ESR1: variants seen among roughly 807,000 people sequenced by gnomAD.
ESR1 encodes estrogen receptor 1.
Under a neutral mutation model 52.7 loss-of-function variants are expected in ESR1, and 12 were observed. The observed-to-expected ratio is 0.23, with a 90% CI of 0.15 to 0.37. The LOEUF (loss-of-function observed/expected upper bound fraction) is 0.37, where lower values mean the gene tolerates loss of function less well. Among genes scored for constraint, ESR1 ranks in the 10% least tolerant of loss-of-function variants. The pLI is 1.00. For missense variants in ESR1, 584 were observed against 779.7 expected, an observed-to-expected ratio of 0.75 and a Z score of 2.99; for synonymous variants, 305 against 316.8, an observed-to-expected ratio of 0.96 and a Z score of 0.39.
chr6:151,845,679 A>G (rs1165341209), intron 2 of ESR1, among the ~76,000 whole-genome samples: 2 of 152,198 alleles, frequency 1.3e-5, no homozygotes, highest in Admixed American at 6.5e-5. Context: ...TAAAAATGCA[A>G]TTCCACTTGG....
chr6:151,679,772 G>T (rs1188912567), intron 1 of ESR1, among the ~76,000 whole-genome samples: 1 of 152,170 alleles, frequency 6.6e-6, no homozygotes, highest in East Asian at 1.9e-4. Flanking sequence ...TTTTGTGACT[G>T]CAGCTGTGCC....
Position 151,807,812 on chromosome 6 carries a change from C to T in ESR1, c.-101C>T. ...TGTCGGCGGGACATGCGCTGCGTCG[C>T]CTCTAACCTCGGGCTGTGCTCTTTT... On this transcript the variant is annotated 5_prime_UTR_variant, in exon 1 of 8. Transcript: ENST00000206249. 1 of 1,074,776 alleles carries T rather than the reference C, an allele frequency of 9.3e-7. No homozygotes were observed. Among genetic ancestry groups the T allele is most frequent in the Non-Finnish European group, 1.4e-6 (1 of 720,956 alleles). The allele number at this position is 1,074,776 out of a possible 1,614,324, so 66.6% of individuals were successfully genotyped here.
At chr6:152,112,478 A>C (rs977361833) in intron 6 of ESR1, among the ~76,000 whole-genome samples, 3 of 152,200 alleles carry the variant, frequency 2.0e-5, no homozygotes, top group Admixed American at 6.5e-5. Flanking sequence ...TCTGGAGTAC[A>C]CAAAGGCCAC....
At chr6:151,936,433 A>G (rs1465404378) in intron 3 of ESR1, among the ~76,000 whole-genome samples, 1 of 152,154 alleles carries the variant, frequency 6.6e-6, no homozygotes, top group Non-Finnish European at 1.5e-5. Context: ...TGCTTGTTAC[A>G]CTTTATGGGA....
At chr6:152,041,965 A>C (rs913376018) in intron 5 of ESR1, among the ~76,000 whole-genome samples, 1 of 152,222 alleles carries the variant, frequency 6.6e-6, no homozygotes, top group African/African-American at 2.4e-5. Flanking sequence ...CCGCTTAGTT[A>C]AGCTTACAAT....
chr6:152,125,310 C>T (rs1187690880), exon 7 of ESR1: 6 of 1,550,374 alleles, frequency 3.9e-6, no homozygotes, highest in Non-Finnish European at 5.2e-6. Flanking sequence ...GAACTTGCAT[C>T]CTAAAATATT....
chr6:151,962,184 T>C (rs1008874415), intron 4 of ESR1, among the ~76,000 whole-genome samples: 1 of 152,180 alleles, frequency 6.6e-6, no homozygotes, highest in South Asian at 2.1e-4. Flanking sequence ...GTCTCTGAGA[T>C]TGGGTTCTGC....
intron 6 of ESR1, among the ~76,000 whole-genome samples, chr6:152,065,696 T>G (rs2047911266): frequency 6.6e-6 from 1 of 152,156 alleles, no homozygotes; most frequent in Admixed American, 6.5e-5. Context: ...GTCCTCTTTT[T>G]CTCTCCTGAC....
upstream of ESR1, among the ~76,000 whole-genome samples, chr6:151,688,269 C>T (rs1410578529): frequency 2.6e-5 from 4 of 152,128 alleles, no homozygotes; most frequent in Non-Finnish European, 4.4e-5. Flanking sequence ...CAACAGTTTC[C>T]TCTCATGACA....
intron 3 of ESR1, among the ~76,000 whole-genome samples, chr6:151,932,308 T>C (rs1299770427): frequency 1.6e-4 from 23 of 147,354 alleles, no homozygotes; most frequent in African/African-American, 5.5e-4. Context: ...TTGTTTGTTT[T>C]TTTCTTGTAA....
At chr6:152,112,044 G>A (rs1187548083) in intron 6 of ESR1, among the ~76,000 whole-genome samples, 3 of 152,172 alleles carry the variant, frequency 2.0e-5, no homozygotes, top group Admixed American at 6.5e-5. Context: ...ACATTAAGTG[G>A]GTTTGTCAAA....
intron 4 of ESR1, among the ~76,000 whole-genome samples, chr6:152,006,428 C>T (rs972523467): frequency 4.0e-5 from 6 of 151,608 alleles, no homozygotes; most frequent in Non-Finnish European, 7.4e-5. Context: ...ACTATAGGAA[C>T]GATAGGGCCC....
chr6:151,927,519 A>G (rs983512040), intron 3 of ESR1, among the ~76,000 whole-genome samples: 4 of 152,198 alleles, frequency 2.6e-5, no homozygotes, highest in Non-Finnish European at 5.9e-5. Flanking sequence ...TTTAATATAT[A>G]TAGAGATATT....
chr6:151,884,284 C>A (rs1268291715), intron 3 of ESR1, among the ~76,000 whole-genome samples: 2 of 152,182 alleles, frequency 1.3e-5, no homozygotes, highest in Non-Finnish European at 2.9e-5. Context: ...CCCTCTATAA[C>A]AACTCCTTGA....
chr6:151,780,100 G>A lies in ESR1; in HGVS notation c.-70-27743G>A, dbSNP rs903255270. On this transcript the variant is annotated intron_variant, in intron 2 of 2. Coordinates refer to the ESR1 transcript ENST00000404742. ...AGTGGGTGAGTTCCATAATGAGTGG[G>A]TGAGTTCCACAAGTTCCACAAGTTT... Among the ~76,000 whole-genome samples the A allele has an allele frequency of 5.3e-5, 8 of 151,806 alleles. No homozygotes were observed. The South Asian group carries it at 8.3e-4, about 16-fold the overall frequency.
intron 2 of ESR1, among the ~76,000 whole-genome samples, chr6:151,873,962 A>C (rs2128315484): frequency 6.6e-6 from 1 of 152,358 alleles, no homozygotes; most frequent in East Asian, 1.9e-4. Flanking sequence ...TTTATGGGTC[A>C]ATCGGGTATA....
chr6:152,028,350 G>A (rs1449713851), intron 5 of ESR1, among the ~76,000 whole-genome samples: 9 of 152,298 alleles, frequency 5.9e-5, no homozygotes, highest in East Asian at 3.9e-4. Context: ...GCGAGGCATC[G>A]CCTCACCTGG....
At chr6:151,795,487 C>CAAAAAA (rs61142527) in intron 2 of ESR1, among the ~76,000 whole-genome samples, 1 of 83,338 alleles carries the variant, frequency 1.2e-5, no homozygotes, top group Non-Finnish European at 2.8e-5. Flanking sequence ...GACTCCATCT[C>CAAAAAA]AAAAAAAAAA....
chr6:152,119,134 T>C (rs890828442), intron 6 of ESR1, among the ~76,000 whole-genome samples: 2 of 152,230 alleles, frequency 1.3e-5, no homozygotes, highest in Admixed American at 1.3e-4. Context: ...CACTATTCTT[T>C]GCTTTACGAT....
Sources: allele counts gnomAD v4.1 joint callset (sites outside exome capture counted in the v4.1 genomes callset), GRCh38; gene constraint gnomAD v4.1.1; transcripts MANE v1.5; gene names NCBI Gene and HGNC (gene_info 2026-07-23, HGNC 2026-07-21).